Variants in CRIP2 observed in about 807,000 individuals in gnomAD.
CRIP2 encodes the protein cysteine-rich protein 2.
Under a neutral mutation model 31.3 loss-of-function variants are expected in CRIP2, and 31 were observed. That is an observed-to-expected ratio of 0.99 (90% CI 0.74 to 1.34). The LOEUF (loss-of-function observed/expected upper bound fraction) is 1.34, where lower values mean the gene tolerates loss of function less well. Ranked by LOEUF, CRIP2 falls within the 40% of genes most tolerant of loss-of-function variation. The probability of loss-of-function intolerance (pLI) is 0.00; values close to 1 mark genes in which losing one functional copy is unlikely to be tolerated. For synonymous variants in CRIP2, 177 were observed against 127.2 expected, an observed-to-expected ratio of 1.39 and a Z score of -2.63; for missense variants, 389 against 301.6, an observed-to-expected ratio of 1.29 and a Z score of -2.15.
Position 105,478,847 on chromosome 14 carries a change from G to A in CRIP2, c.313G>A (p.Gly105Ser). ...CCGAGCAGAGGAGCGGAAGGCGAGC[G>A]GCCCCCCGAAGGGGCCCAGCAGAGG... ...AARAEERKAS[G>S]PPKGPSRASS... is the part of the protein sequence containing the mutation. Residue 105 changes from glycine (G) to serine (S), a missense_variant, in exon 4 of 8, where the codon GGC becomes AGC. Physicochemically the swap from Gly to Ser is moderately conservative, Grantham distance 56. Transcript: ENST00000329146. This position sits in a 1 kb window ranked among gnomAD's most constrained non-coding sequence, Gnocchi z 4.9. 1.4e-6 allele frequency: 2 copies of A among 1,425,666 alleles called. No individual in the cohort carries two copies. The highest frequency in any genetic ancestry group is 1.5e-5 in the African/African-American group (1 of 66,438). The allele number at this position is 1,425,666 out of a possible 1,614,324, so 88.3% of individuals were successfully genotyped here. A position where few individuals can be genotyped will look rare whatever the true frequency, so the allele number is the denominator to read the frequency against.
In CRIP2 at chr14:105,478,623, C is replaced by T. The variant is rs2084007937; in HGVS notation, c.197-108C>T. 1.3e-6 allele frequency: 2 copies of T among 1,505,300 alleles called. No individual in the cohort carries two copies. Among genetic ancestry groups the T allele is most frequent in the Non-Finnish European group, 1.8e-6 (2 of 1,124,258 alleles). The allele number at this position is 1,505,300 out of a possible 1,614,324, so 93.2% of individuals were successfully genotyped here. A position where few individuals can be genotyped will look rare whatever the true frequency, so the allele number is the denominator to read the frequency against. On this transcript the variant is annotated intron_variant, in intron 3 of 7. Coordinates refer to ENST00000329146, the MANE Select transcript of CRIP2 (RefSeq NM_001312.4). The surrounding 1 kb of genome is among the most constrained non-coding windows in gnomAD (Gnocchi z 4.9). ...GGATCCCCGCCCAGAGTCCCTGCCA[C>T]CCTGGAAAGCCTAGTGCCCCCCAGT... is the stretch of plus-strand genomic sequence containing the variant.
chr14:105,478,894 C>A lies in CRIP2; in HGVS notation c.337+23C>A. ...GAGGTGGGCTGGGCGCGGGCTGGGGCTGGGGGTTGTGGGCACGCGCGGGCT... is the reference window on the plus strand; with the variant it reads ...GAGGTGGGCTGGGCGCGGGCTGGGGATGGGGGTTGTGGGCACGCGCGGGCT... On this transcript the variant is annotated intron_variant, in intron 4 of 7. Coordinates refer to ENST00000329146, the MANE Select transcript of CRIP2 (RefSeq NM_001312.4). This position sits in a 1 kb window ranked among gnomAD's most constrained non-coding sequence, Gnocchi z 4.9. 6.8e-7 allele frequency: 1 copy of A among 1,468,382 alleles called. No individual in the cohort carries two copies. Among genetic ancestry groups the A allele is most frequent in the Admixed American group, 2.5e-5 (1 of 40,110 alleles). 91.0% of individuals were successfully genotyped at this position (1,468,382 alleles called of 1,614,324 possible).
intron 1 of CRIP2, 127 bp downstream of exon 1, chr14:105,475,032 C>T: frequency 8.9e-7 from 1 of 1,122,170 alleles, no homozygotes; most frequent in Non-Finnish European, 1.1e-6. Context: ...GGATGCGCGT[C>T]CCGGAGGCTG....
chr14:105,478,872 G>A lies in CRIP2; in HGVS notation c.337+1G>A. 6.9e-7 allele frequency: 1 copy of A among 1,440,350 alleles called. No homozygotes were observed. Among genetic ancestry groups the A allele is most frequent in the South Asian group, 1.5e-5 (1 of 68,312 alleles). 89.2% of individuals were successfully genotyped at this position (1,440,350 alleles called of 1,614,324 possible). On this transcript the variant is annotated splice_donor_variant, in intron 4 of 7. Transcript: ENST00000329146. LOFTEE classifies it high-confidence loss of function. The surrounding 1 kb of genome is among the most constrained non-coding windows in gnomAD (Gnocchi z 4.9). Reference sequence around the variant, plus strand: ...GGCCCCCCGAAGGGGCCCAGCAGAGGTGGGCTGGGCGCGGGCTGGGGCTGG... The same window carrying A: ...GGCCCCCCGAAGGGGCCCAGCAGAGATGGGCTGGGCGCGGGCTGGGGCTGG...
chr14:105,479,491 A>G lies in CRIP2; in HGVS notation c.557A>G (p.Lys186Arg), dbSNP rs1555436881. 1.2e-6 allele frequency: 2 copies of G among 1,612,946 alleles called. No individual in the cohort carries two copies. Among genetic ancestry groups the G allele is most frequent in the Non-Finnish European group, 1.7e-6 (2 of 1,179,928 alleles). ...KPCYGILFGPKGVNTGAVGSY... is the reference protein window; with the variant it reads ...KPCYGILFGPRGVNTGAVGSY... Reference sequence around the variant, plus strand: ...TGCTATGGAATCCTCTTCGGACCCAAGGGTGAGTGTAGCCAGGGTGGTCCA... The same window carrying G: ...TGCTATGGAATCCTCTTCGGACCCAGGGGTGAGTGTAGCCAGGGTGGTCCA... The change falls in exon 7 of 8, where the codon AAG (lysine) becomes AGG (arginine). Residue 186 changes from lysine to arginine, a missense_variant and splice_region_variant. Lys to Arg is a conservative substitution (Grantham distance 26, BLOSUM62 2). Coordinates refer to ENST00000329146, the MANE Select transcript of CRIP2 (RefSeq NM_001312.4).
In CRIP2 at chr14:105,479,794, G is replaced by A. The variant is rs587757751; in HGVS notation, c.*141G>A. ...CGAGTATTGGAGGAGGGGCAGCCAC[G>A]GGCAGAGCACCATGCCCATCCCCGA... On this transcript the variant is annotated 3_prime_UTR_variant, in exon 8 of 8. Transcript: ENST00000329146. 1.8e-5 allele frequency: 16 copies of A among 884,994 alleles called. No homozygotes were observed. The highest frequency in any genetic ancestry group is 1.3e-4 in the East Asian group (5 of 37,578). The allele number at this position is 884,994 out of a possible 1,614,324, so 54.8% of individuals were successfully genotyped here.
intron 6 of CRIP2, 67 bp from the exon 7 acceptor site, chr14:105,479,369 G>C (rs1485308692): frequency 6.2e-7 from 1 of 1,604,132 alleles, no homozygotes; most frequent in East Asian, 2.2e-5. Context: ...GCACGTTCTG[G>C]AAGCCTCCAG....
rs147969410 is a variant in CRIP2 at position 105,479,615 on chromosome 14, A to G, written c.589A>G (p.Ile197Val). 39 of 1,612,580 alleles carry G rather than the reference A, an allele frequency of 2.4e-5. 1 individual carries two copies. In the African/African-American group the frequency reaches 4.5e-4, roughly 19 times the overall value. Residue 197 changes from isoleucine to valine, a missense_variant, in exon 8 of 8, where the codon ATC (isoleucine) becomes GTC (valine). By Grantham distance (29) the Ile-to-Val change is conservative. Transcript: ENST00000329146. ...GAACACCGGTGCGGTGGGCAGCTAC[A>G]TCTATGACCGGGACCCCGAAGGCAA... ...GVNTGAVGSY[I>V]YDRDPEGKVQ...
chr14:105,478,255 C>G lies in CRIP2; in HGVS notation c.44-11C>G. 1 of 1,536,390 alleles carries G rather than the reference C, an allele frequency of 6.5e-7. No homozygotes were observed. Among genetic ancestry groups the G allele is most frequent in the Non-Finnish European group, 8.7e-7 (1 of 1,144,502 alleles). ...CCCGGCCCTGACCCCCCTGCCGCCC[C>G]TCCCGCTCAGCCGAGAAGGTGAGCT... On this transcript the variant is annotated splice_polypyrimidine_tract_variant and intron_variant, in intron 1 of 7. Transcript: ENST00000329146. The surrounding 1 kb of genome is among the most constrained non-coding windows in gnomAD (Gnocchi z 4.9).
rs1555436389 is a variant in CRIP2 at position 105,478,425 on chromosome 14, T to C, written c.139-25T>C. 3.8e-6 allele frequency: 6 copies of C among 1,594,910 alleles called. No individual in the cohort carries two copies. The highest frequency in any genetic ancestry group is 1.3e-5 in the African/African-American group (1 of 74,226). ...CGACTCCCGCCACCCTCAGGCAGGG[T>C]CCTGACCCGCGCCCCTCTGCGCAGC... is the stretch of plus-strand genomic sequence containing the variant. On this transcript the variant is annotated intron_variant, in intron 2 of 7. Transcript: ENST00000329146. This position sits in a 1 kb window ranked among gnomAD's most constrained non-coding sequence, Gnocchi z 4.9.
upstream of CRIP2, chr14:105,472,967 G>C: frequency 3.5e-6 from 2 of 566,664 alleles, no homozygotes; most frequent in Non-Finnish European, 6.3e-6. Context: ...GGCAGGGCTG[G>C]GGACCTTGGG....
intron 1 of CRIP2, chr14:105,476,024 C>T: frequency 3.0e-6 from 3 of 985,494 alleles, no homozygotes; most frequent in Non-Finnish European, 3.6e-6. Context: ...GGGGAGGGAC[C>T]GGATTTGGCC....
At chr14:105,473,492 T>C, upstream of CRIP2, 2 of 1,535,348 alleles carry the variant, frequency 1.3e-6, no homozygotes, top group East Asian at 2.4e-5. Context: ...ACATGCCTGG[T>C]GCACCAGGCA....
chr14:105,478,069 G>A lies in CRIP2; in HGVS notation c.44-197G>A. ...CTGGGGGCGCTGAGACCCAGAGGGAGAACAGGGCCTGGGGGCGACGGGCTC... is the reference window on the plus strand; with the variant it reads ...CTGGGGGCGCTGAGACCCAGAGGGAAAACAGGGCCTGGGGGCGACGGGCTC... On this transcript the variant is annotated intron_variant, in intron 1 of 7. Coordinates refer to ENST00000329146, the MANE Select transcript of CRIP2 (RefSeq NM_001312.4). This position sits in a 1 kb window ranked among gnomAD's most constrained non-coding sequence, Gnocchi z 4.9. Among the ~76,000 whole-genome samples the A allele has an allele frequency of 6.6e-6, 1 of 151,360 alleles. No homozygotes were observed. The highest frequency in any genetic ancestry group is 2.0e-4 in the East Asian group (1 of 5,042).
At chr14:105,479,391 G>C (rs2084037609) in intron 6 of CRIP2, 45 bp from the exon 7 acceptor site, 3 of 1,610,982 alleles carry the variant, frequency 1.9e-6, no homozygotes, top group African/African-American at 1.3e-5. Context: ...TGATGGGTCG[G>C]GGGAGTCTGT....
upstream of CRIP2, chr14:105,474,325 G>C (rs1555435275): frequency 6.6e-6 from 1 of 151,338 alleles, no homozygotes; most frequent in Non-Finnish European, 1.5e-5. The surrounding 1 kb of genome is among the most constrained non-coding windows in gnomAD (Gnocchi z 5.1). Flanking sequence ...TATGGAAACC[G>C]AGCAACAAAG....
At chr14:105,477,071 GC>G in intron 1 of CRIP2, 1 of 194,324 alleles carries the variant, frequency 5.1e-6, no homozygotes, top group Non-Finnish European at 9.4e-6. Context: ...CACCTGAGGG[GC>G]TTGGCCAGAT....
rs2084051107 is a variant in CRIP2 at position 105,479,743 on chromosome 14, GC to G, written c.*93del. The G allele has an allele frequency of 7.3e-7, 1 of 1,363,658 alleles. No homozygotes were observed. Among genetic ancestry groups the G allele is most frequent in the Non-Finnish European group, 1.0e-6 (1 of 989,510 alleles). The allele number at this position is 1,363,658 out of a possible 1,614,324, so 84.5% of individuals were successfully genotyped here. A position where few individuals can be genotyped will look rare whatever the true frequency, so the allele number is the denominator to read the frequency against. On this transcript the variant is annotated 3_prime_UTR_variant, in exon 8 of 8. Transcript: ENST00000329146. The stretch of plus-strand genomic sequence containing the variant: ...GGCTCTGCTGGGAGAGTGCTCAGCC[GC>G]CCAGTCCTGCCTGCAAGCCCAGGGC...
intron 1 of CRIP2, among the ~76,000 whole-genome samples, chr14:105,477,933 TGTTGGAGCGCGGGCAGGC>T (rs1448763611): frequency 0.21 from 12,162 of 57,216 alleles, 2,095 homozygotes; most frequent in African/African-American, 0.41. Context: ...CGCGGGCAGG[TGTTGGAGCGCGGGCAGGC>T]TCGAGCACAG....
Sources: allele counts gnomAD v4.1 joint callset (sites outside exome capture counted in the v4.1 genomes callset), GRCh38; gene constraint gnomAD v4.1.1; non-coding constraint Gnocchi (gnomAD v3.1); transcripts MANE v1.5; gene names NCBI Gene and HGNC (gene_info 2026-07-23, HGNC 2026-07-21).